The following STXBP6 variants were observed in gnomAD, a reference collection of about 807,000 sequenced individuals.
STXBP6 encodes the protein syntaxin-binding protein 6.
Under a neutral mutation model 26.9 loss-of-function variants are expected in STXBP6, and 21 were observed. The observed-to-expected ratio is 0.78, with a 90% CI of 0.55 to 1.12. The LOEUF (loss-of-function observed/expected upper bound fraction) is 1.12, where lower values mean the gene tolerates loss of function less well. STXBP6 is among the 50% of genes most tolerant of loss of function. STXBP6 has a pLI of 0.00. For synonymous variants in STXBP6, 97 were observed against 92.6 expected (o/e 1.05, Z -0.27); for missense variants, 232 against 257.9 (o/e 0.90, Z 0.69).
intron 2 of STXBP6, among the ~76,000 whole-genome samples, chr14:24,940,191 G>A (rs2072752472): frequency 6.6e-6 from 1 of 152,196 alleles, no homozygotes; most frequent in Non-Finnish European, 1.5e-5. Context: ...TGTAAACAGG[G>A]TGATTTTACT....
chr14:24,861,817 C>G (rs983274531), intron 2 of STXBP6, among the ~76,000 whole-genome samples: 2 of 152,110 alleles, frequency 1.3e-5, no homozygotes, highest in Non-Finnish European at 2.9e-5. Flanking sequence ...TTAGACCCTG[C>G]AGGCTATGTA....
At position 24,993,856 on chromosome 14, in the gene STXBP6, C is replaced by T. The variant is rs149834099; in HGVS notation, c.-32-19006G>A. 1.5e-3 allele frequency among the ~76,000 whole-genome samples: 224 copies of T among 152,258 alleles called. 1 individual carries two copies. The highest frequency in any genetic ancestry group is 5.2e-3 in the African/African-American group (218 of 41,534). ...TGAGTACCAGCAAGAAGGCAATCCT[C>T]CCCCAGAGATCCAAGTACCTCCTTA... is the stretch of plus-strand genomic sequence containing the variant. On this transcript the variant is annotated intron_variant, in intron 1 of 5. Transcript: ENST00000323944.
chr14:24,810,863 C>CTGTGTGTGTGTGTGTGTG lies in STXBP6; in HGVS notation c.*1845_*1846insCACACACACACACACACA, dbSNP rs1344421641. 2.0e-4 allele frequency: 5 copies of CTGTGTGTGTGTGTGTGTG among 24,724 alleles called. No individual in the cohort carries two copies. The highest frequency in any genetic ancestry group is 3.9e-4 in the Non-Finnish European group (4 of 10,202). 1.5% of individuals were successfully genotyped at this position (24,724 alleles called of 1,614,324 possible). A position where few individuals can be genotyped will look rare whatever the true frequency, so the allele number is the denominator to read the frequency against. On this transcript the variant is annotated 3_prime_UTR_variant, in exon 6 of 6. Coordinates refer to ENST00000323944, the MANE Select transcript of STXBP6 (RefSeq NM_001394410.1). ...ATCCAATTTGGAAAGATAAATACAT[C>CTGTGTGTGTGTGTGTGTG]TCTGTGTGTGTGTGTGTGTGTGTGT... is the stretch of plus-strand genomic sequence containing the variant.
chr14:25,042,758 T>A (rs2140510925), intron 1 of STXBP6, among the ~76,000 whole-genome samples: 1 of 152,288 alleles, frequency 6.6e-6, no homozygotes, highest in Admixed American at 6.5e-5. Context: ...CCAGACCTAC[T>A]GAATCAGAAC....
chr14:24,879,831 C>G (rs1438617740), intron 2 of STXBP6, among the ~76,000 whole-genome samples: 7 of 152,124 alleles, frequency 4.6e-5, no homozygotes, highest in Admixed American at 4.6e-4. Flanking sequence ...AATTCCCACA[C>G]AGTGGTAGGG....
chr14:24,966,546 A>C (rs559816233), intron 2 of STXBP6, among the ~76,000 whole-genome samples: 2 of 152,344 alleles, frequency 1.3e-5, no homozygotes, highest in East Asian at 3.9e-4. Context: ...TAACAAGAGA[A>C]GGCTGTTGTG....
intron 2 of STXBP6, among the ~76,000 whole-genome samples, chr14:24,867,838 T>C (rs1438327223): frequency 1.3e-5 from 2 of 152,212 alleles, no homozygotes; most frequent in African/African-American, 4.8e-5. Context: ...GGAAAACTTG[T>C]GCTCTTTAAG....
At chr14:24,930,694 A>T (rs1204967650) in intron 2 of STXBP6, among the ~76,000 whole-genome samples, 6 of 152,214 alleles carry the variant, frequency 3.9e-5, no homozygotes, top group Non-Finnish European at 1.5e-5. Context: ...GGGTAATAGG[A>T]GAGACTTTGG....
At chr14:25,044,022 T>A (rs2075684816) in intron 1 of STXBP6, among the ~76,000 whole-genome samples, 1 of 151,404 alleles carries the variant, frequency 6.6e-6, no homozygotes, top group East Asian at 1.9e-4. Flanking sequence ...ATAAAAAAAA[T>A]TAACTGGAGG....
At chr14:24,916,477 T>C (rs2071770396) in intron 2 of STXBP6, among the ~76,000 whole-genome samples, 2 of 152,162 alleles carry the variant, frequency 1.3e-5, no homozygotes, top group African/African-American at 4.8e-5. Flanking sequence ...GCAAAATATC[T>C]GCAGGTTATC....
chr14:24,932,346 T>C (rs1448487726), intron 2 of STXBP6, among the ~76,000 whole-genome samples: 1 of 152,164 alleles, frequency 6.6e-6, no homozygotes, highest in African/African-American at 2.4e-5. Flanking sequence ...TTTAAAGTTT[T>C]TAAATCTGTC....
At chr14:24,828,031 C>CTT (rs34177461) in intron 4 of STXBP6, among the ~76,000 whole-genome samples, 26 of 145,426 alleles carry the variant, frequency 1.8e-4, no homozygotes, top group African/African-American at 3.0e-4. Flanking sequence ...AGCAGTAGCA[C>CTT]TTTTTTTTTT....
At chr14:24,955,625 T>C (rs2073318549) in intron 2 of STXBP6, among the ~76,000 whole-genome samples, 1 of 151,884 alleles carries the variant, frequency 6.6e-6, no homozygotes, top group African/African-American at 2.4e-5. Flanking sequence ...ATATGGCCCA[T>C]GATGAGATGA....
intron 2 of STXBP6, among the ~76,000 whole-genome samples, chr14:24,942,567 G>A (rs1035208832): frequency 6.6e-6 from 1 of 152,154 alleles, no homozygotes; most frequent in Non-Finnish European, 1.5e-5. Flanking sequence ...CTCTCACCCT[G>A]CTTCCAAGAT....
At chr14:24,922,511 C>T (rs971010573) in intron 2 of STXBP6, among the ~76,000 whole-genome samples, 2 of 152,192 alleles carry the variant, frequency 1.3e-5, no homozygotes, top group South Asian at 4.2e-4. Context: ...GTAAAGATAA[C>T]CTCTTTTCCC....
chr14:24,827,738 C>A (rs1050229238), intron 4 of STXBP6, among the ~76,000 whole-genome samples: 1 of 152,134 alleles, frequency 6.6e-6, no homozygotes, highest in East Asian at 1.9e-4. Context: ...CTGATCATGC[C>A]ACTTTCTCAT....
At chr14:25,027,958 C>A (rs2075378181) in intron 1 of STXBP6, among the ~76,000 whole-genome samples, 1 of 152,192 alleles carries the variant, frequency 6.6e-6, no homozygotes, top group Non-Finnish European at 1.5e-5. Context: ...TAACTCTCTT[C>A]AATTCTACGA....
chr14:24,929,833 C>T (rs1219135083), intron 2 of STXBP6, among the ~76,000 whole-genome samples: 1 of 152,212 alleles, frequency 6.6e-6, no homozygotes, highest in Non-Finnish European at 1.5e-5. Context: ...CTTTTCCCTT[C>T]TTCCCCTCTG....
At chr14:24,940,007 G>A (rs1473386716) in intron 2 of STXBP6, among the ~76,000 whole-genome samples, 1 of 152,138 alleles carries the variant, frequency 6.6e-6, no homozygotes, top group Non-Finnish European at 1.5e-5. Context: ...ATCTTGAAGA[G>A]GTGTGTCATC....
Sources: allele counts gnomAD v4.1 joint callset (sites outside exome capture counted in the v4.1 genomes callset), GRCh38; gene constraint gnomAD v4.1.1; transcripts MANE v1.5; gene names NCBI Gene and HGNC (gene_info 2026-07-23, HGNC 2026-07-21).